Variants in SH3RF1 observed in about 807,000 individuals in gnomAD.
SH3RF1 encodes SH3 domain containing ring finger 1.
A neutral mutation model predicts 74.0 loss-of-function variants in SH3RF1; 32 were observed. The observed-to-expected ratio is 0.43, with a 90% CI of 0.33 to 0.58. The LOEUF (loss-of-function observed/expected upper bound fraction) is 0.58. Among genes scored for constraint, SH3RF1 ranks in the 20% least tolerant of loss-of-function variants. The pLI is 0.05. For synonymous variants in SH3RF1, 396 were observed against 439.6 expected (o/e 0.90, Z 1.24); for missense variants, 954 against 1,130.9 (o/e 0.84, Z 2.24).
chr4:169,180,296 T>C (rs539411402), intron 2 of SH3RF1, among the ~76,000 whole-genome samples: 2 of 152,208 alleles, frequency 1.3e-5, no homozygotes, highest in African/African-American at 2.4e-5. Context: ...TACAGAAAAA[T>C]GCACCCAAAC....
At chr4:169,262,920 A>C (rs1394323247) in intron 2 of SH3RF1, among the ~76,000 whole-genome samples, 1 of 152,178 alleles carries the variant, frequency 6.6e-6, no homozygotes, top group African/African-American at 2.4e-5. Context: ...GCAGACATGA[A>C]GCCTGGAGTA....
chr4:169,156,501 A>G lies in SH3RF1; in HGVS notation c.572T>C (p.Ile191Thr). The G allele has an allele frequency of 6.2e-7, 1 of 1,614,132 alleles. No individual in the cohort carries two copies. The highest frequency in any genetic ancestry group is 8.5e-7 in the Non-Finnish European group (1 of 1,179,980). ...AGGTGGGGGCTGAGGTAACGGTTTA[A>G]TAATCTGCACAAAGTTGGTGGGGAA... is the stretch of plus-strand genomic sequence containing the variant. ...GFFPTNFVQI[I>T]KPLPQPPPQC... The change falls in exon 3 of 12, where the codon ATT becomes ACT. Residue 191 changes from isoleucine (I) to threonine (T), a missense_variant. Around this residue, in one of 3 missense-constraint regions of SH3RF1, gnomAD observed 854 missense variants for 962.5 expected, o/e 0.89. Coordinates refer to ENST00000284637, the MANE Select transcript of SH3RF1 (RefSeq NM_020870.4).
At chr4:169,110,403 C>G (rs1343101293) in intron 10 of SH3RF1, among the ~76,000 whole-genome samples, 9 of 151,974 alleles carry the variant, frequency 5.9e-5, no homozygotes, top group Admixed American at 3.3e-4. Context: ...TCAGTAGAGA[C>G]TTCAAGAAAA....
At chr4:169,173,411 G>C (rs9994441) in intron 2 of SH3RF1, among the ~76,000 whole-genome samples, 28,160 of 151,636 alleles carry the variant, frequency 0.19, 3,600 homozygotes, top group African/African-American at 0.37. Flanking sequence ...ATACAAGCTT[G>C]CTGTGCTAAG....
intron 2 of SH3RF1, among the ~76,000 whole-genome samples, chr4:169,200,204 A>C (rs1280205480): frequency 6.6e-6 from 1 of 152,224 alleles, no homozygotes; most frequent in Non-Finnish European, 1.5e-5. Flanking sequence ...TGAACCCATC[A>C]TATAGTCAGA....
chr4:169,243,278 C>T (rs1444524597), intron 2 of SH3RF1, among the ~76,000 whole-genome samples: 2 of 152,136 alleles, frequency 1.3e-5, no homozygotes, highest in East Asian at 1.9e-4. Context: ...TTTGGGAGGT[C>T]GAAGCAGGCG....
At chr4:169,108,412 A>C (rs1366185859) in intron 10 of SH3RF1, among the ~76,000 whole-genome samples, 1 of 152,222 alleles carries the variant, frequency 6.6e-6, no homozygotes, top group Non-Finnish European at 1.5e-5. Flanking sequence ...TATGGCAGAA[A>C]AAAGGAGACA....
At chr4:169,255,730 GT>G (rs1412190336) in intron 2 of SH3RF1, among the ~76,000 whole-genome samples, 1 of 149,186 alleles carries the variant, frequency 6.7e-6, no homozygotes, top group East Asian at 2.0e-4. Context: ...AAACATCCAT[GT>G]TTTAACAATG....
rs1732876705 is a variant in SH3RF1 at position 169,094,352 on chromosome 4, A to G, written c.*2167T>C. Reference sequence around the variant, plus strand: ...AGTGATAAATCGCAATTTTATCATTACCATATCACTGTGTAACAAGCCCTT... The same window carrying G: ...AGTGATAAATCGCAATTTTATCATTGCCATATCACTGTGTAACAAGCCCTT... On this transcript the variant is annotated 3_prime_UTR_variant, in exon 12 of 12. Coordinates refer to ENST00000284637, the MANE Select transcript of SH3RF1 (RefSeq NM_020870.4). 6.6e-6 allele frequency: 1 copy of G among 152,110 alleles called. No homozygotes were observed. The highest frequency in any genetic ancestry group is 1.5e-5 in the Non-Finnish European group (1 of 68,016). The allele number at this position is 152,110 out of a possible 1,614,324, so 9.4% of individuals were successfully genotyped here.
chr4:169,222,360 G>A (rs1338866460), intron 2 of SH3RF1, among the ~76,000 whole-genome samples: 1 of 152,064 alleles, frequency 6.6e-6, no homozygotes, highest in Non-Finnish European at 1.5e-5. Context: ...AGCTACTTGG[G>A]AGGCTGACGC....
chr4:169,148,007 T>G (rs1158905670), intron 4 of SH3RF1, among the ~76,000 whole-genome samples: 1 of 56,286 alleles, frequency 1.8e-5, no homozygotes, highest in Non-Finnish European at 3.9e-5. Context: ...TTTAATTAGT[T>G]TGTGATTTTT....
chr4:169,098,243 T>G (rs1256560083), intron 11 of SH3RF1, among the ~76,000 whole-genome samples: 4 of 152,248 alleles, frequency 2.6e-5, no homozygotes, highest in African/African-American at 9.6e-5. Flanking sequence ...TAATGAGTAG[T>G]CAGTCATAAA....
At chr4:169,240,057 A>G (rs981027128) in intron 2 of SH3RF1, among the ~76,000 whole-genome samples, 1 of 152,176 alleles carries the variant, frequency 6.6e-6, no homozygotes. Context: ...TACAGTGAGA[A>G]TTACAAAGCA....
intron 5 of SH3RF1, among the ~76,000 whole-genome samples, chr4:169,135,065 T>G (rs1225289468): frequency 6.6e-6 from 1 of 152,178 alleles, no homozygotes; most frequent in Non-Finnish European, 1.5e-5. Flanking sequence ...GCTGAGGCTG[T>G]GGCTCATACT....
intron 2 of SH3RF1, among the ~76,000 whole-genome samples, chr4:169,240,950 G>T (rs1005264889): frequency 3.3e-5 from 5 of 152,188 alleles, no homozygotes; most frequent in Admixed American, 3.3e-4. Context: ...AACTGCCCAG[G>T]CCGGGCGTGG....
In SH3RF1 at chr4:169,179,793, T is replaced by G. The variant is rs115480041; in HGVS notation, c.394-23114A>C. On this transcript the variant is annotated intron_variant, in intron 2 of 11. Transcript: ENST00000284637. Reference sequence around the variant, plus strand: ...GAAACAAAATTTACTTTGAATAAATTTTGCAGTGCTCTACTTGAAACAGCT... The same window carrying G: ...GAAACAAAATTTACTTTGAATAAATGTTGCAGTGCTCTACTTGAAACAGCT... Among the ~76,000 whole-genome samples, 1,302 of 152,330 alleles carry G rather than the reference T, an allele frequency of 8.5e-3. 21 individuals are homozygous for G. Among genetic ancestry groups the G allele is most frequent in the African/African-American group, 0.03 (1,241 of 41,568 alleles).
At chr4:169,182,604 A>T (rs1734529075) in intron 2 of SH3RF1, among the ~76,000 whole-genome samples, 1 of 152,194 alleles carries the variant, frequency 6.6e-6, no homozygotes, top group Admixed American at 6.5e-5. Context: ...TTCAGATCCA[A>T]CCTTGCTCTA....
intron 2 of SH3RF1, among the ~76,000 whole-genome samples, chr4:169,183,350 G>A (rs1310134363): frequency 2.0e-5 from 3 of 152,148 alleles, no homozygotes; most frequent in Admixed American, 2.0e-4. Flanking sequence ...GCGTGATCCT[G>A]GCTCACTGCA....
intron 2 of SH3RF1, among the ~76,000 whole-genome samples, chr4:169,259,757 T>C (rs1349530259): frequency 6.6e-6 from 1 of 152,156 alleles, no homozygotes; most frequent in Non-Finnish European, 1.5e-5. Context: ...TACACCTCAC[T>C]ATACTATGTT....
Sources: allele counts gnomAD v4.1 joint callset (sites outside exome capture counted in the v4.1 genomes callset), GRCh38; gene constraint gnomAD v4.1.1; regional missense constraint gnomAD v4.1.1; transcripts MANE v1.5; gene names NCBI Gene and HGNC (gene_info 2026-07-23, HGNC 2026-07-21).